LSAMP: variants seen among roughly 807,000 people sequenced by gnomAD.
LSAMP encodes limbic system-associated membrane protein.
LSAMP carries 7 observed loss-of-function variants against 38.6 expected under a neutral mutation model. That is an observed-to-expected ratio of 0.18 (90% CI 0.10 to 0.34). The LOEUF is 0.34. Among genes scored for constraint, LSAMP ranks in the 10% least tolerant of loss-of-function variants. The pLI is 1.00. For synonymous variants in LSAMP, 154 were observed against 166.8 expected (o/e 0.92, Z 0.59); for missense variants, 313 against 420.0 (o/e 0.75, Z 2.23).
At chr3:115,989,107 G>C (rs1309972311) in intron 3 of LSAMP, among the ~76,000 whole-genome samples, 1 of 152,022 alleles carries the variant, frequency 6.6e-6, no homozygotes, top group Non-Finnish European at 1.5e-5. Flanking sequence ...AAGTTATGTG[G>C]TAAATAGAAC....
chr3:116,382,211 T>G (rs1239981913), intron 1 of LSAMP, among the ~76,000 whole-genome samples: 1 of 152,058 alleles, frequency 6.6e-6, no homozygotes, highest in Non-Finnish European at 1.5e-5. Context: ...CACACGTATG[T>G]TTTTGTGGAA....
chr3:116,300,856 T>G (rs946608056), intron 1 of LSAMP, among the ~76,000 whole-genome samples: 1 of 152,162 alleles, frequency 6.6e-6, no homozygotes, highest in Non-Finnish European at 1.5e-5. Flanking sequence ...GCATGTAATA[T>G]TCACAAAAGA....
intron 1 of LSAMP, among the ~76,000 whole-genome samples, chr3:116,427,438 T>C (rs1450948334): frequency 6.6e-6 from 1 of 152,214 alleles, no homozygotes; most frequent in African/African-American, 2.4e-5. Context: ...AGCTCTTTCA[T>C]TAAACATGTC....
At chr3:115,858,086 C>G (rs547622127) in intron 3 of LSAMP, among the ~76,000 whole-genome samples, 1 of 152,010 alleles carries the variant, frequency 6.6e-6, no homozygotes, top group African/African-American at 2.4e-5. Context: ...GTGCTGCTTT[C>G]TCTCATTCCC....
intron 3 of LSAMP, among the ~76,000 whole-genome samples, chr3:115,985,726 G>T (rs1939491381): frequency 6.6e-6 from 1 of 152,172 alleles, no homozygotes; most frequent in Admixed American, 6.6e-5. Context: ...TTTTCTACTG[G>T]AAGTCCCACA....
chr3:116,033,024 T>C (rs1940963982), intron 2 of LSAMP, among the ~76,000 whole-genome samples: 1 of 152,172 alleles, frequency 6.6e-6, no homozygotes, highest in Non-Finnish European at 1.5e-5. Flanking sequence ...TCCTGCATTA[T>C]TCAGTTCTAA....
At position 116,328,081 on chromosome 3, in the gene LSAMP, T is replaced by C. The variant is rs115580968; in HGVS notation, c.155+116796A>G. ...GGTGCTCATTAGTTGAGCCCCGAAG[T>C]GTTTAGGCCTGCTTCTCTACCCTTG... On this transcript the variant is annotated intron_variant, in intron 1 of 6. Coordinates refer to ENST00000490035, the MANE Select transcript of LSAMP (RefSeq NM_002338.5). Among the ~76,000 whole-genome samples, 1,337 of 152,258 alleles carry C rather than the reference T, an allele frequency of 8.8e-3. 23 individuals carry two copies. Among genetic ancestry groups the C allele is most frequent in the African/African-American group, 0.03 (1,266 of 41,552 alleles).
At chr3:116,307,167 T>C (rs2047495116) in intron 1 of LSAMP, among the ~76,000 whole-genome samples, 1 of 152,038 alleles carries the variant, frequency 6.6e-6, no homozygotes, top group Non-Finnish European at 1.5e-5. Context: ...CTTTGCATTC[T>C]CTTTGCCAAA....
chr3:116,218,699 C>T (rs1364972757), intron 1 of LSAMP, among the ~76,000 whole-genome samples: 1 of 152,168 alleles, frequency 6.6e-6, no homozygotes. Context: ...TATTCACAGG[C>T]ATGATCACAG....
chr3:115,952,497 C>T (rs1053698915), intron 3 of LSAMP, among the ~76,000 whole-genome samples: 3 of 152,142 alleles, frequency 2.0e-5, no homozygotes, highest in Non-Finnish European at 4.4e-5. Context: ...TGTACTCACT[C>T]AAAAGTGGGA....
intron 1 of LSAMP, among the ~76,000 whole-genome samples, chr3:116,164,221 C>G (rs1408178624): frequency 1.3e-5 from 2 of 152,000 alleles, no homozygotes; most frequent in South Asian, 2.1e-4. Context: ...AAAGAAGTGT[C>G]TGGTTTCCAC....
intron 2 of LSAMP, among the ~76,000 whole-genome samples, chr3:116,082,413 T>C (rs1256721394): frequency 1.3e-5 from 2 of 152,300 alleles, no homozygotes; most frequent in East Asian, 3.9e-4. Context: ...AGCACAATGA[T>C]TCAGAAGTTT....
At chr3:116,307,750 G>T (rs944357496) in intron 1 of LSAMP, among the ~76,000 whole-genome samples, 1 of 151,836 alleles carries the variant, frequency 6.6e-6, no homozygotes, top group African/African-American at 2.4e-5. Context: ...TTAATGACTT[G>T]AGAAACAGCT....
chr3:116,209,113 T>G (rs1213154430), intron 1 of LSAMP, among the ~76,000 whole-genome samples: 1 of 152,228 alleles, frequency 6.6e-6, no homozygotes, highest in African/African-American at 2.4e-5. Context: ...TGTGCCGTTT[T>G]TTAAGCCGGT....
intron 1 of LSAMP, among the ~76,000 whole-genome samples, chr3:116,207,693 G>C (rs2046089837): frequency 1.3e-5 from 2 of 151,286 alleles, no homozygotes; most frequent in African/African-American, 4.8e-5. Context: ...TGAAATTCTG[G>C]GTTGAAAATT....
At chr3:116,439,171 T>TC (rs1447985226) in intron 1 of LSAMP, among the ~76,000 whole-genome samples, 1 of 152,130 alleles carries the variant, frequency 6.6e-6, no homozygotes, top group Middle Eastern at 3.2e-3. Context: ...TTTTAGAAGT[T>TC]CCCCAGCTGA....
intron 2 of LSAMP, among the ~76,000 whole-genome samples, chr3:116,024,405 A>G (rs1940729297): frequency 6.6e-6 from 1 of 152,192 alleles, no homozygotes; most frequent in Non-Finnish European, 1.5e-5. Flanking sequence ...TAGAGCTCTT[A>G]TCAATATTTA....
intron 1 of LSAMP, among the ~76,000 whole-genome samples, chr3:116,157,328 T>C (rs1709776926): frequency 6.6e-6 from 1 of 152,136 alleles, no homozygotes. Flanking sequence ...AAAAGGGGCA[T>C]TTCTGAAGTT....
intron 1 of LSAMP, among the ~76,000 whole-genome samples, chr3:116,160,855 T>C (rs536483770): frequency 6.6e-6 from 1 of 152,194 alleles, no homozygotes; most frequent in Non-Finnish European, 1.5e-5. Context: ...ATTTAGTAGG[T>C]CTTGAATGAG....
Sources: allele counts gnomAD v4.1 joint callset (sites outside exome capture counted in the v4.1 genomes callset), GRCh38; gene constraint gnomAD v4.1.1; transcripts MANE v1.5; gene names NCBI Gene and HGNC (gene_info 2026-07-23, HGNC 2026-07-21).